SCML2: variants seen among roughly 807,000 people sequenced by gnomAD.
SCML2 encodes the protein Scm polycomb group protein like 2.
In SCML2, 6 loss-of-function variants were observed where a neutral mutation model predicts 48.4. That is an observed-to-expected ratio of 0.12 (90% CI 0.07 to 0.24). The LOEUF is 0.24. Ranked by LOEUF, SCML2 falls within the 10% of genes least tolerant of loss-of-function variation. SCML2 has a pLI of 1.00. For missense variants in SCML2, 377 were observed against 528.2 expected, an observed-to-expected ratio of 0.71 and a Z score of 2.81; for synonymous variants, 181 against 189.5, an observed-to-expected ratio of 0.95 and a Z score of 0.37.
In SCML2 at chrX:18,240,066, A is replaced by C. The variant is rs1421072143; in HGVS notation, c.*1185T>G. The C allele has an allele frequency of 8.9e-6, 1 of 112,677 alleles. No individual in the cohort carries two copies. The highest frequency in any genetic ancestry group is 1.9e-5 in the Non-Finnish European group (1 of 53,343). The allele number at this position is 112,677 out of a possible 1,213,427, so 9.3% of individuals were successfully genotyped here. On this transcript the variant is annotated 3_prime_UTR_variant, in exon 15 of 15. Coordinates refer to ENST00000251900, the MANE Select transcript of SCML2 (RefSeq NM_006089.3). ...AGTGTAGCAGAATAAATGGCTCAGAACTAAGCAAATTAATTAGAAACATTG... is the reference window on the plus strand; with the variant it reads ...AGTGTAGCAGAATAAATGGCTCAGACCTAAGCAAATTAATTAGAAACATTG...
At position 18,314,043 on chromosome X, in the gene SCML2, G is replaced by A. The variant is rs1160460088; in HGVS notation, c.486+6289C>T. On this transcript the variant is annotated intron_variant, in intron 6 of 14. Transcript: ENST00000251900. The stretch of plus-strand genomic sequence containing the variant: ...AGCCATCAGGAATGATCTCCATATA[G>A]TCTGCCCAAAATTATAAATTTAGCT... Among the ~76,000 whole-genome samples, 4 of 111,722 alleles carry A rather than the reference G, an allele frequency of 3.6e-5. No individual in the cohort carries two copies. In the Admixed American group the frequency reaches 3.8e-4, roughly 11 times the overall value.
At chrX:18,331,681 T>A (rs1164303890) in intron 2 of SCML2, among the ~76,000 whole-genome samples, 1 of 112,020 alleles carries the variant, frequency 8.9e-6, no homozygotes, top group Non-Finnish European at 1.9e-5. Context: ...AGAACCCAAA[T>A]AAGTCCACAC....
Position 18,257,049 on chromosome X carries a change from G to A in SCML2, c.1274-19C>T. The A allele has an allele frequency of 2.7e-6, 3 of 1,095,745 alleles. No homozygotes were observed. Among genetic ancestry groups the A allele is most frequent in the East Asian group, 3.2e-5 (1 of 31,432 alleles). The allele number at this position is 1,095,745 out of a possible 1,213,427, so 90.3% of individuals were successfully genotyped here. The stretch of plus-strand genomic sequence containing the variant: ...AAGGAGGCTATTGGGGGAAAAAAAA[G>A]GATGTCAGTAACCTCAGAGAGATGA... On this transcript the variant is annotated intron_variant, in intron 10 of 14. Coordinates refer to ENST00000251900, the MANE Select transcript of SCML2 (RefSeq NM_006089.3).
At chrX:18,266,766 C>T (rs752989476) in intron 7 of SCML2, among the ~76,000 whole-genome samples, 4 of 111,747 alleles carry the variant, frequency 3.6e-5, no homozygotes, top group Non-Finnish European at 7.5e-5. Context: ...AAATCTGACC[C>T]GCAATAGATA....
intron 1 of SCML2, among the ~76,000 whole-genome samples, chrX:18,350,487 A>T (rs1248013967): frequency 1.8e-5 from 2 of 109,840 alleles, no homozygotes; most frequent in Non-Finnish European, 3.8e-5. Flanking sequence ...GAGGCAGGAG[A>T]ATCACTTGAA....
intron 7 of SCML2, among the ~76,000 whole-genome samples, chrX:18,299,237 G>GGT (rs1380747290): frequency 9.0e-6 from 1 of 111,136 alleles, no homozygotes; most frequent in African/African-American, 3.3e-5. Flanking sequence ...AAAGGGGCTG[G>GGT]GCAAGGTGGC....
At chrX:18,329,889 C>T (rs967142284) in intron 3 of SCML2, among the ~76,000 whole-genome samples, 6 of 111,737 alleles carry the variant, frequency 5.4e-5, no homozygotes, top group African/African-American at 1.9e-4. Context: ...ACCAGCCTAG[C>T]CAGCACAGTG....
chrX:18,267,021 A>G lies in SCML2; in HGVS notation c.731-1219T>C, dbSNP rs16980757. Among the ~76,000 whole-genome samples, 887 of 111,965 alleles carry G rather than the reference A, an allele frequency of 7.9e-3. 24 individuals are homozygous for G. The highest frequency in any genetic ancestry group is 0.073 in the Admixed American group (775 of 10,548). ...GAAAAAGTCCAGTAACCTAACACAC[A>G]TTATTTCTGCATACATAGTCTTCCT... On this transcript the variant is annotated intron_variant, in intron 7 of 14. Coordinates refer to ENST00000251900, the MANE Select transcript of SCML2 (RefSeq NM_006089.3).
At chrX:18,353,212 A>G (rs972429751) in intron 1 of SCML2, among the ~76,000 whole-genome samples, 1 of 111,785 alleles carries the variant, frequency 8.9e-6, no homozygotes, top group African/African-American at 3.2e-5. Flanking sequence ...AGTAATTAAG[A>G]AAAATAAAAG....
intron 7 of SCML2, among the ~76,000 whole-genome samples, chrX:18,286,278 AATG>A (rs1415181700): frequency 8.9e-6 from 1 of 112,169 alleles, no homozygotes; most frequent in Non-Finnish European, 1.9e-5. Flanking sequence ...CTCTAAAGAA[AATG>A]ATGATTTAAC....
chrX:18,350,300 C>T (rs981282497), intron 1 of SCML2, among the ~76,000 whole-genome samples: 6 of 107,480 alleles, frequency 5.6e-5, no homozygotes, highest in Non-Finnish European at 7.7e-5. Context: ...AGGCCAGATT[C>T]GGTGGCTCAT....
chrX:18,317,931 G>A (rs1025730286), intron 6 of SCML2, among the ~76,000 whole-genome samples: 3 of 110,633 alleles, frequency 2.7e-5, no homozygotes, highest in South Asian at 3.8e-4. Context: ...GACAAAGGGA[G>A]ATGCATTTTT....
Position 18,265,775 on chromosome X carries a change from G to A in SCML2, c.758C>T (p.Thr253Ile). 1 of 1,206,826 alleles carries A rather than the reference G, an allele frequency of 8.3e-7. No homozygotes were observed. Among genetic ancestry groups the A allele is most frequent in the South Asian group, 1.8e-5 (1 of 56,595 alleles). Residue 253 changes from threonine to isoleucine, a missense_variant, in exon 8 of 15, where the codon ACA becomes ATA. Thr to Ile is a moderately conservative substitution (Grantham distance 89). Coordinates refer to ENST00000251900, the MANE Select transcript of SCML2 (RefSeq NM_006089.3). ...SVPIVKNIAK[T>I]ESSPSEASQH... is the part of the protein sequence containing the mutation. ...GCTTGCTTCGGAAGGAGAAGACTCT[G>A]TTTTTGCTATATTCTTTACAATAGG...
intron 7 of SCML2, among the ~76,000 whole-genome samples, chrX:18,271,552 GA>G (rs200167792): frequency 9.8e-6 from 1 of 102,463 alleles, no homozygotes; most frequent in Non-Finnish European, 2.0e-5. Context: ...CTCTTGTTTA[GA>G]AAAAAAAAAT....
At chrX:18,263,926 T>C (rs1395911904) in intron 8 of SCML2, among the ~76,000 whole-genome samples, 1 of 110,375 alleles carries the variant, frequency 9.1e-6, no homozygotes, top group Non-Finnish European at 1.9e-5. Context: ...TTTCTCTGCA[T>C]GTACTTTTTC....
intron 7 of SCML2, among the ~76,000 whole-genome samples, chrX:18,300,395 G>A (rs773233851): frequency 1.9e-5 from 2 of 104,318 alleles, no homozygotes; most frequent in Non-Finnish European, 2.0e-5. Context: ...GTGAGACCCT[G>A]TCTCAAAAAA....
intron 13 of SCML2, 101 bp from the exon 14 acceptor site, chrX:18,242,691 T>C: frequency 1.1e-6 from 1 of 889,701 alleles, no homozygotes; most frequent in Non-Finnish European, 1.5e-6. Flanking sequence ...CTGGAACCTT[T>C]TGTTAAGTTC....
chrX:18,331,426 CAG>C (rs1474668947), intron 2 of SCML2, among the ~76,000 whole-genome samples: 1 of 110,164 alleles, frequency 9.1e-6, no homozygotes, highest in Admixed American at 9.8e-5. Context: ...ATGGACTGGG[CAG>C]AGATTTTCTT....
At chrX:18,270,028 A>ATT (rs375870057) in intron 7 of SCML2, among the ~76,000 whole-genome samples, 20,735 of 90,110 alleles carry the variant, frequency 0.23, 2,146 homozygotes, top group Middle Eastern at 0.3. Context: ...AGTACTATAA[A>ATT]TTTTTTTTTT....
Sources: gnomAD v4.1 joint callset for allele counts (sites outside exome capture counted in the v4.1 genomes callset) on GRCh38, gnomAD v4.1.1 for gene constraint, MANE v1.5 for transcripts, NCBI Gene and HGNC (gene_info 2026-07-23, HGNC 2026-07-21) for gene names.